Variants in DHCR7 observed in about 807,000 individuals in gnomAD.
DHCR7 encodes the protein 7-DHC reductase.
In DHCR7, 40 loss-of-function variants were observed where a neutral mutation model predicts 43.3. The ratio of observed to expected loss-of-function variants is 0.92; its 90% CI spans 0.72 to 1.20. DHCR7 has a LOEUF of 1.20. Among genes scored for constraint, DHCR7 ranks in the 50% most tolerant of loss-of-function variants. The probability of loss-of-function intolerance (pLI) is 0.00; values close to 1 mark genes in which losing one functional copy is unlikely to be tolerated. For synonymous variants in DHCR7, 298 were observed against 271.4 expected (o/e 1.10, Z -0.96); for missense variants, 608 against 644.6 (o/e 0.94, Z 0.62).
At chr11:71,427,420 C>G (rs188476499), downstream of DHCR7, among the ~76,000 whole-genome samples, 16 of 152,274 alleles carry the variant, frequency 1.1e-4, no homozygotes, top group East Asian at 3.1e-3. Flanking sequence ...GTTTTCAACA[C>G]AGTAAATGTT....
At chr11:71,429,101 G>A (rs1448483137) in intron 2 of DHCR7, among the ~76,000 whole-genome samples, 1 of 152,208 alleles carries the variant, frequency 6.6e-6, no homozygotes, top group Non-Finnish European at 1.5e-5. Flanking sequence ...TGGCCAGAAA[G>A]CTTGGCGGCC....
chr11:71,439,186 G>GGTAA (rs1302364392), intron 6 of DHCR7, 103 bp from the exon 7 acceptor site: 12 of 1,138,894 alleles, frequency 1.1e-5, no homozygotes, highest in Non-Finnish European at 1.5e-5. Flanking sequence ...GGTCCTAAAG[G>GGTAA]GTAACGTGAG....
Position 71,443,959 on chromosome 11 carries a change from G to T in DHCR7, c.321+34C>A, listed in dbSNP as rs76865413. Reference sequence around the variant, plus strand: ...CAGCAGGAGGGCACGCTCCCCACCTGCTGTGTCCCAACCCCAGGGCAGGGG... The same window carrying T: ...CAGCAGGAGGGCACGCTCCCCACCTTCTGTGTCCCAACCCCAGGGCAGGGG... On this transcript the variant is annotated intron_variant, in intron 4 of 8. Transcript: ENST00000355527. 9.0e-3 allele frequency: 14,144 copies of T among 1,569,252 alleles called. 1,115 individuals are homozygous for T. The African/African-American group carries it at 0.17, about 19-fold the overall frequency.
At chr11:71,438,787 T>G in intron 7 of DHCR7, 92 bp downstream of exon 7, 1 of 1,328,678 alleles carries the variant, frequency 7.5e-7, no homozygotes, top group Non-Finnish European at 1.1e-6. Context: ...TTACAAGCAG[T>G]AGATTAAGGT....
intron 3 of DHCR7, 108 bp downstream of exon 3, chr11:71,444,747 C>A: frequency 1.8e-5 from 16 of 901,694 alleles, no homozygotes; most frequent in African/African-American, 3.4e-5. Context: ...AAAAAAAAAT[C>A]TTTTTTAAAA....
chr11:71,431,793 A>G (rs1949229390), downstream of DHCR7, among the ~76,000 whole-genome samples: 1 of 152,230 alleles, frequency 6.6e-6, no homozygotes, highest in South Asian at 2.1e-4. Context: ...ATGTTTTGGT[A>G]TATATCCTTT....
chr11:71,429,230 T>C (rs1039991391), intron 2 of DHCR7, among the ~76,000 whole-genome samples: 11 of 152,224 alleles, frequency 7.2e-5, no homozygotes, highest in African/African-American at 2.4e-4. Flanking sequence ...GCTGTGTCAA[T>C]ATGGGAGGCT....
At chr11:71,428,819 G>T (rs751366641) in exon 3 of DHCR7, 1 of 456,110 alleles carries the variant, frequency 2.2e-6, no homozygotes, top group South Asian at 1.5e-5. Flanking sequence ...AGCTCTTCCT[G>T]CCTCTACTCA....
Position 71,435,147 on chromosome 11 carries a change from C to T in DHCR7, c.*228G>A. 2.9e-6 allele frequency: 2 copies of T among 689,014 alleles called. No individual in the cohort carries two copies. The highest frequency in any genetic ancestry group is 2.3e-4 in the Middle Eastern group (1 of 4,314). 42.7% of individuals were successfully genotyped at this position (689,014 alleles called of 1,614,324 possible). A position where few individuals can be genotyped will look rare whatever the true frequency, so the allele number is the denominator to read the frequency against. The stretch of plus-strand genomic sequence containing the variant: ...CCCAGGGACACTGATTAGAGAAAAT[C>T]CGTCTGTGCTGGCAATACGGCAGTG... On this transcript the variant is annotated 3_prime_UTR_variant, in exon 9 of 9. Transcript: ENST00000355527.
At chr11:71,443,091 T>C (rs1949365670) in intron 4 of DHCR7, among the ~76,000 whole-genome samples, 1 of 152,200 alleles carries the variant, frequency 6.6e-6, no homozygotes, top group Admixed American at 6.5e-5. Context: ...CTCAGCAGTG[T>C]CTTCAAGGGT....
chr11:71,445,117 T>G (rs1278085683), intron 2 of DHCR7, among the ~76,000 whole-genome samples, 159 bp from the exon 3 acceptor site: 1 of 152,214 alleles, frequency 6.6e-6, no homozygotes, highest in Non-Finnish European at 1.5e-5. Context: ...AGGGAAGAGA[T>G]CATCTTGTCT....
In DHCR7 at chr11:71,435,588, G is replaced by C. The variant is rs776577137; in HGVS notation, c.1215C>G (p.His405Gln). 5 of 1,608,956 alleles carry C rather than the reference G, an allele frequency of 3.1e-6. No individual in the cohort carries two copies. Among genetic ancestry groups the C allele is most frequent in the Non-Finnish European group, 4.2e-6 (5 of 1,179,522 alleles). ...LVSGFWGVAR[H>Q]FNYVGDLMGS... ...CCATCAGGTCGCCGACGTAGTTGAA[G>C]TGGCGGGCCACGCCCCAGAAGCCCG... The change falls in exon 9 of 9, where the codon CAC becomes CAG. Residue 405 changes from histidine to glutamine, a missense_variant. His to Gln is a conservative substitution (Grantham distance 24, BLOSUM62 0). Coordinates refer to ENST00000355527, the MANE Select transcript of DHCR7 (RefSeq NM_001360.3).
intron 8 of DHCR7, among the ~76,000 whole-genome samples, chr11:71,437,127 C>CCA (rs1197674979): frequency 6.6e-6 from 1 of 152,182 alleles, no homozygotes; most frequent in African/African-American, 2.4e-5. Context: ...TCCAGGACAC[C>CCA]CGCACCTCCA....
At chr11:71,442,218 G>A in intron 5 of DHCR7, 45 bp downstream of exon 5, 1 of 1,419,776 alleles carries the variant, frequency 7.0e-7, no homozygotes, top group Non-Finnish European at 9.9e-7. Context: ...CTGAGAGAAA[G>A]GGATGAGAAC....
chr11:71,433,069 G>T (rs568143705), downstream of DHCR7, among the ~76,000 whole-genome samples: 15 of 152,320 alleles, frequency 9.8e-5, no homozygotes, highest in African/African-American at 3.4e-4. Context: ...CTGTCCTGGG[G>T]TACTGGATGC....
At chr11:71,429,417 G>A (rs1293020170), downstream of DHCR7, among the ~76,000 whole-genome samples, 1 of 152,178 alleles carries the variant, frequency 6.6e-6, no homozygotes, top group Non-Finnish European at 1.5e-5. Context: ...TGTGGGCGGG[G>A]GCAGGAGGCA....
intron 1 of DHCR7, 114 bp downstream of exon 1, chr11:71,448,176 C>G (rs1320539818): frequency 2.0e-5 from 3 of 153,808 alleles, no homozygotes; most frequent in East Asian, 3.8e-4. Flanking sequence ...CGCGCACGCC[C>G]CCTACCCCTG....
chr11:71,443,368 G>A (rs1294701710), intron 4 of DHCR7, among the ~76,000 whole-genome samples: 1 of 152,178 alleles, frequency 6.6e-6, no homozygotes, highest in Non-Finnish European at 1.5e-5. Context: ...TCCCGCCCAG[G>A]AAGGAAAACC....
rs142213908 is a variant in DHCR7 at position 71,438,157 on chromosome 11, G to A, written c.832-214C>T. 2.0e-5 allele frequency among the ~76,000 whole-genome samples: 3 copies of A among 152,186 alleles called. No homozygotes were observed. The East Asian group carries it at 5.8e-4, about 29-fold the overall frequency. On this transcript the variant is annotated intron_variant, in intron 7 of 8. Coordinates refer to ENST00000355527, the MANE Select transcript of DHCR7 (RefSeq NM_001360.3). ...GCTTCCTTGTCCTCAGAACCACCCC[G>A]AGCCCATGGCCCTGGCATCTCTCCC...
Sources: gnomAD v4.1 joint callset for allele counts (sites outside exome capture counted in the v4.1 genomes callset) on GRCh38, gnomAD v4.1.1 for gene constraint, MANE v1.5 for transcripts, NCBI Gene and HGNC (gene_info 2026-07-23, HGNC 2026-07-21) for gene names.